GPC5: variants seen among roughly 807,000 people sequenced by gnomAD.
The protein encoded by GPC5 is glypican 5.
In GPC5, 47 loss-of-function variants were observed where a neutral mutation model predicts 53.9. The observed-to-expected ratio is 0.87, with a 90% confidence interval of 0.69 to 1.11. The LOEUF (loss-of-function observed/expected upper bound fraction) is 1.11, where lower values mean the gene tolerates loss of function less well. GPC5 is among the 50% of genes most tolerant of loss of function. The pLI is 0.00. For missense variants in GPC5, 748 were observed against 713.1 expected (o/e 1.05, Z -0.56); for synonymous variants, 286 against 263.3 (o/e 1.09, Z -0.84).
At chr13:92,621,362 C>G (rs745415450) in intron 7 of GPC5, among the ~76,000 whole-genome samples, 2 of 152,110 alleles carry the variant, frequency 1.3e-5, no homozygotes, top group Non-Finnish European at 2.9e-5. Flanking sequence ...TGCCAGAGGT[C>G]GTGCCTCTGT....
At chr13:92,284,946 C>T (rs2042942991) in intron 7 of GPC5, among the ~76,000 whole-genome samples, 1 of 152,142 alleles carries the variant, frequency 6.6e-6, no homozygotes, top group Non-Finnish European at 1.5e-5. Context: ...AAGAGGAAGT[C>T]AAATTGTCCC....
At chr13:91,505,369 T>C (rs493369) in intron 2 of GPC5, among the ~76,000 whole-genome samples, 87,857 of 152,060 alleles carry the variant, frequency 0.58, 28,293 homozygotes, top group Non-Finnish European at 0.72. Context: ...ACTTGTTCAA[T>C]TGAGATATTT....
intron 5 of GPC5, among the ~76,000 whole-genome samples, chr13:91,905,476 A>G (rs1478377848): frequency 6.6e-5 from 10 of 152,120 alleles, no homozygotes; most frequent in Non-Finnish European, 1.2e-4. Context: ...GTCCAAGGTT[A>G]TATTTTAAAT....
intron 7 of GPC5, among the ~76,000 whole-genome samples, chr13:92,494,766 T>C (rs1265359903): frequency 1.3e-5 from 2 of 152,184 alleles, no homozygotes; most frequent in Non-Finnish European, 2.9e-5. Context: ...TACTGAATTG[T>C]GTGCGCATTT....
intron 7 of GPC5, among the ~76,000 whole-genome samples, chr13:92,577,777 G>GTAGAAA (rs1883236513): frequency 7.1e-6 from 1 of 140,054 alleles, no homozygotes; most frequent in Non-Finnish European, 1.6e-5. Flanking sequence ...CAAGTTTACA[G>GTAGAAA]AAGAAAAAGT....
In GPC5 at chr13:91,448,930, G is replaced by A; in HGVS notation, c.325+8G>A. On this transcript the variant is annotated splice_region_variant and intron_variant, in intron 2 of 7. Transcript: ENST00000377067. ...ATGCGGCTGCTTTTCAAGGTAAGTGGATCTTGAATTCTGCAACTAAGGACT... is the reference window on the plus strand; with the variant it reads ...ATGCGGCTGCTTTTCAAGGTAAGTGAATCTTGAATTCTGCAACTAAGGACT... 1 of 1,610,756 alleles carries A rather than the reference G, an allele frequency of 6.2e-7. No homozygotes were observed. Among genetic ancestry groups the A allele is most frequent in the Non-Finnish European group, 8.5e-7 (1 of 1,178,462 alleles).
rs796383905 is a variant in GPC5, at chr13:92,381,918, A to ATATATAT, written c.1561+236929_1561+236930insTATATAT. ...ATATAATCATATATATGATATATATAATCATATATATGATTATATATGAAA... is the reference window on the plus strand; with the variant it reads ...ATATAATCATATATATGATATATATATATATATATCATATATATGATTATATATGAAA... On this transcript the variant is annotated intron_variant, in intron 7 of 7. Transcript: ENST00000377067. Among the ~76,000 whole-genome samples, 36 of 45,060 alleles carry ATATATAT rather than the reference A, an allele frequency of 8.0e-4. 2 individuals are homozygous for ATATATAT. Among genetic ancestry groups the ATATATAT allele is most frequent in the African/African-American group, 2.8e-3 (36 of 12,796 alleles). 29.6% of individuals were successfully genotyped at this position (45,060 alleles called of 152,430 possible). A position where few individuals can be genotyped will look rare whatever the true frequency, so the allele number is the denominator to read the frequency against.
intron 1 of GPC5, among the ~76,000 whole-genome samples, chr13:91,422,932 A>G (rs1424321348): frequency 6.6e-6 from 1 of 152,234 alleles, no homozygotes; most frequent in Non-Finnish European, 1.5e-5. Context: ...ATGTCTTAAT[A>G]CTGTTACATT....
chr13:92,007,332 T>C (rs1413053553), intron 6 of GPC5, among the ~76,000 whole-genome samples: 2 of 152,202 alleles, frequency 1.3e-5, no homozygotes, highest in African/African-American at 4.8e-5. Context: ...AAATCTCCTA[T>C]TGGAGTTGTA....
chr13:92,154,885 C>T (rs910726937), intron 7 of GPC5, among the ~76,000 whole-genome samples: 7 of 152,214 alleles, frequency 4.6e-5, no homozygotes, highest in African/African-American at 1.7e-4. Flanking sequence ...CACTTTATTC[C>T]ACATTAAATA....
chr13:92,012,883 G>C (rs1033343841), intron 6 of GPC5, among the ~76,000 whole-genome samples: 1 of 152,202 alleles, frequency 6.6e-6, no homozygotes, highest in African/African-American at 2.4e-5. Context: ...TTGTGGGAGG[G>C]AGCATGCATG....
At chr13:92,720,620 A>G (rs1233757550) in intron 7 of GPC5, among the ~76,000 whole-genome samples, 1 of 152,144 alleles carries the variant, frequency 6.6e-6, no homozygotes, top group Admixed American at 6.6e-5. Context: ...ATGTTACATA[A>G]CGTACATAAA....
intron 7 of GPC5, among the ~76,000 whole-genome samples, chr13:92,725,511 T>A (rs567607452): frequency 6.6e-6 from 1 of 151,622 alleles, no homozygotes; most frequent in Non-Finnish European, 1.5e-5. Context: ...TGTAAGGAAC[T>A]ACTCTAAGAA....
chr13:92,012,592 C>T (rs1418196413), intron 6 of GPC5, among the ~76,000 whole-genome samples: 1 of 152,002 alleles, frequency 6.6e-6, no homozygotes, highest in East Asian at 1.9e-4. Flanking sequence ...TTTAGTCATG[C>T]AATAGGTATT....
chr13:92,022,013 T>G (rs1214357102), intron 6 of GPC5, among the ~76,000 whole-genome samples: 1 of 152,164 alleles, frequency 6.6e-6, no homozygotes, highest in Non-Finnish European at 1.5e-5. Flanking sequence ...TTTATTTATT[T>G]TTTTCAGACA....
At chr13:91,856,012 T>C (rs557219466) in intron 5 of GPC5, among the ~76,000 whole-genome samples, 1 of 151,692 alleles carries the variant, frequency 6.6e-6, no homozygotes, top group African/African-American at 2.4e-5. Flanking sequence ...TTCTGGTCTA[T>C]ATCCATGTAA....
At chr13:92,174,973 C>T (rs1033968106) in intron 7 of GPC5, among the ~76,000 whole-genome samples, 1 of 152,136 alleles carries the variant, frequency 6.6e-6, no homozygotes, top group African/African-American at 2.4e-5. Context: ...TCTCAGCCTC[C>T]CGAGTAGCTG....
intron 7 of GPC5, among the ~76,000 whole-genome samples, chr13:92,592,159 C>T (rs1040270164): frequency 7.9e-5 from 12 of 152,308 alleles, no homozygotes; most frequent in East Asian, 3.9e-4. Flanking sequence ...ATGTAACCTT[C>T]GCTTATATTT....
At chr13:92,726,875 A>G (rs937155059) in intron 7 of GPC5, among the ~76,000 whole-genome samples, 1 of 151,550 alleles carries the variant, frequency 6.6e-6, no homozygotes, top group Non-Finnish European at 1.5e-5. Context: ...CAAAGCTCCA[A>G]ATATTTTTGT....
Sources: gnomAD v4.1 joint callset for allele counts (sites outside exome capture counted in the v4.1 genomes callset) on GRCh38, gnomAD v4.1.1 for gene constraint, MANE v1.5 for transcripts, NCBI Gene and HGNC (gene_info 2026-07-23, HGNC 2026-07-21) for gene names.